SUSD4: variants seen among roughly 807,000 people sequenced by gnomAD.
SUSD4 encodes sushi domain-containing protein 4.
In SUSD4, 41 loss-of-function variants were observed where a neutral mutation model predicts 50.5. The ratio of observed to expected loss-of-function variants is 0.81; its 90% confidence interval spans 0.63 to 1.05. The LOEUF (loss-of-function observed/expected upper bound fraction) is 1.05. Ranked by LOEUF, SUSD4 falls within the 50% of genes least tolerant of loss-of-function variation. SUSD4 has a pLI of 0.00. For missense variants in SUSD4, 580 were observed against 634.7 expected (o/e 0.91, Z 0.93); for synonymous variants, 257 against 257.3 (o/e 1.00, Z 0.01).
chr1:223,295,640 C>T (rs1437865816), intron 2 of SUSD4, among the ~76,000 whole-genome samples: 1 of 151,896 alleles, frequency 6.6e-6, no homozygotes, highest in East Asian at 1.9e-4. Flanking sequence ...GTGGCTCTGC[C>T]AGCTGGGGAC....
chr1:223,282,398 A>G (rs1241671909), intron 3 of SUSD4, among the ~76,000 whole-genome samples: 1 of 152,248 alleles, frequency 6.6e-6, no homozygotes, highest in Non-Finnish European at 1.5e-5. Flanking sequence ...AAGTCTCAGG[A>G]TACAAAATCA....
chr1:223,297,843 C>T (rs1664930215), intron 2 of SUSD4, among the ~76,000 whole-genome samples: 1 of 152,124 alleles, frequency 6.6e-6, no homozygotes. Context: ...GGACATTCTA[C>T]AAGTGTTGCT....
rs1257751003 is a variant in SUSD4, at chr1:223,332,718, G to A, written c.148+30560C>T. On this transcript the variant is annotated intron_variant, in intron 2 of 8. Transcript: ENST00000366878. The surrounding 1 kb of genome is among the most constrained non-coding windows in gnomAD (Gnocchi z 4.0). The stretch of plus-strand genomic sequence containing the variant: ...CTCGGACAAGCCTCTCCTTCAGGGC[G>A]TGTGTCACAGGGAAACGGAACCAGG... Among the ~76,000 whole-genome samples, 5 of 152,144 alleles carry A rather than the reference G, an allele frequency of 3.3e-5. No individual in the cohort carries two copies. The highest frequency in any genetic ancestry group is 2.1e-4 in the South Asian group (1 of 4,828).
chr1:223,359,990 G>A (rs770665689), intron 2 of SUSD4, among the ~76,000 whole-genome samples: 9 of 152,070 alleles, frequency 5.9e-5, no homozygotes, highest in Non-Finnish European at 1.2e-4. Context: ...CAAAATCACG[G>A]CATTGTCTTA....
At chr1:223,343,837 A>G (rs1334825403) in intron 2 of SUSD4, among the ~76,000 whole-genome samples, 1 of 152,206 alleles carries the variant, frequency 6.6e-6, no homozygotes. Context: ...TAGGAACCAC[A>G]GTGTGTTCCC....
At chr1:223,338,008 A>G (rs1015656338) in intron 2 of SUSD4, among the ~76,000 whole-genome samples, 4 of 152,234 alleles carry the variant, frequency 2.6e-5, no homozygotes, top group African/African-American at 9.7e-5. Flanking sequence ...ATTTCTTTAA[A>G]AAGGTGAATG....
At chr1:223,357,023 G>A (rs531969645) in intron 2 of SUSD4, among the ~76,000 whole-genome samples, 6 of 152,302 alleles carry the variant, frequency 3.9e-5, no homozygotes, top group South Asian at 2.1e-4. Flanking sequence ...GAATGGTGAC[G>A]GCAGTGACAG....
intron 2 of SUSD4, among the ~76,000 whole-genome samples, chr1:223,340,785 T>C (rs752221607): frequency 3.9e-5 from 6 of 152,290 alleles, no homozygotes; most frequent in South Asian, 2.1e-4. Context: ...CCCTCACTGA[T>C]AGAGAGTATG....
intron 2 of SUSD4, among the ~76,000 whole-genome samples, chr1:223,305,827 G>A (rs1489815885): frequency 1.3e-5 from 2 of 152,092 alleles, no homozygotes; most frequent in Admixed American, 6.5e-5. Flanking sequence ...CATCCATGTG[G>A]GCTAAAGGCT....
intron 2 of SUSD4, among the ~76,000 whole-genome samples, chr1:223,338,397 G>C (rs958165748): frequency 2.0e-5 from 3 of 152,216 alleles, no homozygotes; most frequent in African/African-American, 7.2e-5. Context: ...AACAAAATGG[G>C]GGAAGCGGCC....
intron 2 of SUSD4, among the ~76,000 whole-genome samples, chr1:223,333,237 G>A (rs1667274429): frequency 6.6e-6 from 1 of 152,034 alleles, no homozygotes; most frequent in Non-Finnish European, 1.5e-5. Context: ...AGATCTACGT[G>A]CATTTCAATC....
intron 2 of SUSD4, among the ~76,000 whole-genome samples, chr1:223,295,673 C>T (rs949132905): frequency 4.6e-5 from 7 of 151,608 alleles, no homozygotes; most frequent in African/African-American, 1.7e-4. Flanking sequence ...AGGGGTGGGG[C>T]TGTGGGGATA....
At chr1:223,346,005 C>T (rs1018364445) in intron 2 of SUSD4, among the ~76,000 whole-genome samples, 5 of 152,168 alleles carry the variant, frequency 3.3e-5, no homozygotes, top group African/African-American at 1.2e-4. Context: ...GCAGCCAGGC[C>T]AATCACCCTA....
intron 3 of SUSD4, among the ~76,000 whole-genome samples, chr1:223,279,502 TGAGAA>T: frequency 6.6e-6 from 1 of 152,090 alleles, no homozygotes; most frequent in Admixed American, 6.5e-5. Context: ...TGAAATGAAG[TGAGAA>T]GAGAAGTTTA....
intron 5 of SUSD4, among the ~76,000 whole-genome samples, chr1:223,255,690 C>A (rs1661638035): frequency 6.6e-6 from 1 of 152,164 alleles, no homozygotes; most frequent in Non-Finnish European, 1.5e-5. Context: ...TTAGGGCAAG[C>A]AGATTAATCA....
chr1:223,311,787 A>G (rs956381274), intron 2 of SUSD4, among the ~76,000 whole-genome samples: 1 of 152,206 alleles, frequency 6.6e-6, no homozygotes, highest in African/African-American at 2.4e-5. Flanking sequence ...CTGTACTATC[A>G]TTATAGGGCA....
intron 5 of SUSD4, among the ~76,000 whole-genome samples, chr1:223,244,581 AG>A (rs1361818267): frequency 6.6e-6 from 1 of 151,278 alleles, no homozygotes; most frequent in Non-Finnish European, 1.5e-5. Flanking sequence ...TAGATAATGC[AG>A]GGACCCTGCT....
chr1:223,224,591 T>C (rs933902377), intron 7 of SUSD4, among the ~76,000 whole-genome samples: 4 of 152,202 alleles, frequency 2.6e-5, no homozygotes, highest in Admixed American at 6.5e-5. Flanking sequence ...CCCGCCACTC[T>C]TCTAAGCAAG....
At chr1:223,365,200 C>G (rs1377658750), upstream of SUSD4, among the ~76,000 whole-genome samples, 3 of 151,968 alleles carry the variant, frequency 2.0e-5, no homozygotes, top group African/African-American at 7.3e-5. Context: ...TGGTCGGTCC[C>G]CTGTCTCTGC....
Sources: allele counts gnomAD v4.1 joint callset (sites outside exome capture counted in the v4.1 genomes callset), GRCh38; gene constraint gnomAD v4.1.1; non-coding constraint Gnocchi (gnomAD v3.1); transcripts MANE v1.5; gene names NCBI Gene and HGNC (gene_info 2026-07-23, HGNC 2026-07-21).